The following NRSN1 variants were observed in gnomAD, a reference collection of about 807,000 sequenced individuals.
The protein encoded by NRSN1 is neurensin 1.
NRSN1 carries 14 observed loss-of-function variants against 17.3 expected under a neutral mutation model. The observed-to-expected ratio is 0.81, with a 90% confidence interval of 0.54 to 1.27. The LOEUF (loss-of-function observed/expected upper bound fraction) is 1.27, where lower values mean the gene tolerates loss of function less well. Among genes scored for constraint, NRSN1 ranks in the 50% most tolerant of loss-of-function variants. The pLI, the probability that NRSN1 is intolerant of heterozygous loss-of-function variation, is 0.00. For missense variants in NRSN1, 209 were observed against 235.9 expected (o/e 0.89, Z 0.75); for synonymous variants, 79 against 94.2 (o/e 0.84, Z 0.93).
At chr6:24,140,110 G>T (rs956608523) in intron 3 of NRSN1, among the ~76,000 whole-genome samples, 2 of 152,208 alleles carry the variant, frequency 1.3e-5, no homozygotes, top group African/African-American at 2.4e-5. Flanking sequence ...GAATATTTAA[G>T]TGAGCCTAAA....
chr6:24,128,970 T>C (rs1759991075), intron 2 of NRSN1: 1 of 152,232 alleles, frequency 6.6e-6, no homozygotes, highest in Non-Finnish European at 1.5e-5. Context: ...TAGAGTTTCA[T>C]GAGGCATAAA....
Position 24,145,607 on chromosome 6 carries a change from C to T in NRSN1, c.249C>T (p.Gly83=), listed in dbSNP as rs140489181. ...VILGLTVLAV[G]FLVPPKIEAF... is the part of the protein sequence containing the mutation. ...TCGGATTGACTGTTCTGGCAGTGGG[C>T]TTTCTTGTGCCCCCCAAAATCGAAG... is the stretch of plus-strand genomic sequence containing the variant. Residue 83 remains glycine, a synonymous_variant, in exon 4 of 4, where the codon GGC becomes GGT. Transcript: ENST00000378491. The surrounding 1 kb of genome is among the most constrained non-coding windows in gnomAD (Gnocchi z 4.4). The T allele has an allele frequency of 7.4e-6, 12 of 1,612,716 alleles. No individual in the cohort carries two copies. The highest frequency in any genetic ancestry group is 4.0e-5 in the African/African-American group (3 of 74,900).
chr6:24,128,852 G>A (rs1276523675), intron 2 of NRSN1: 1 of 152,162 alleles, frequency 6.6e-6, no homozygotes, highest in Non-Finnish European at 1.5e-5. Flanking sequence ...CCTGTGCCTG[G>A]CCTCACAACT....
At chr6:24,139,522 T>C (rs537602253) in intron 3 of NRSN1, among the ~76,000 whole-genome samples, 3 of 152,262 alleles carry the variant, frequency 2.0e-5, no homozygotes, top group Admixed American at 6.5e-5. Context: ...AGAACGCAAA[T>C]AGAGAAAATG....
Position 24,145,300 on chromosome 6 carries a change from AAT to A in NRSN1, c.190-237_190-236del, listed in dbSNP as rs1279166256. Among the ~76,000 whole-genome samples, 1 of 147,436 alleles carries A rather than the reference AAT, an allele frequency of 6.8e-6. No homozygotes were observed. The highest frequency in any genetic ancestry group is 6.8e-5 in the Admixed American group (1 of 14,628). On this transcript the variant is annotated intron_variant, in intron 3 of 3. Coordinates refer to ENST00000378491, the MANE Select transcript of NRSN1 (RefSeq NM_080723.5). This position sits in a 1 kb window ranked among gnomAD's most constrained non-coding sequence, Gnocchi z 4.4. ...AATATATGTATATCTTTAGATATAT[AAT>A]ATATATATATGATATATACATATAT...
intron 3 of NRSN1, among the ~76,000 whole-genome samples, chr6:24,137,520 G>A (rs1478570687): frequency 1.3e-5 from 2 of 151,528 alleles, no homozygotes; most frequent in African/African-American, 4.9e-5. Context: ...ACAGATTGTT[G>A]TTGTTTTTTT....
At chr6:24,133,674 A>G (rs1044936188) in intron 2 of NRSN1, among the ~76,000 whole-genome samples, 3 of 152,194 alleles carry the variant, frequency 2.0e-5, no homozygotes, top group African/African-American at 2.4e-5. Flanking sequence ...CTTTGTTGCC[A>G]TTTCTTGTGT....
chr6:24,142,630 T>C (rs1760228196), intron 3 of NRSN1, among the ~76,000 whole-genome samples: 1 of 151,948 alleles, frequency 6.6e-6, no homozygotes, highest in South Asian at 2.1e-4. Flanking sequence ...TGGCTAATTT[T>C]GTATTTTTAG....
At chr6:24,133,165 C>T (rs187925661) in intron 2 of NRSN1, among the ~76,000 whole-genome samples, 38 of 152,174 alleles carry the variant, frequency 2.5e-4, no homozygotes, top group African/African-American at 8.4e-4. Flanking sequence ...AACAACCTGC[C>T]TAGGACATAG....
intron 2 of NRSN1, 131 bp from the exon 3 acceptor site, chr6:24,134,188 C>G: frequency 2.7e-6 from 2 of 751,130 alleles, no homozygotes; most frequent in Non-Finnish European, 2.1e-6. Flanking sequence ...TTTAAAAGTA[C>G]CTTTTCTGTA....
intron 3 of NRSN1, among the ~76,000 whole-genome samples, 154 bp downstream of exon 3, chr6:24,134,670 A>G (rs1297920010): frequency 6.6e-6 from 1 of 152,238 alleles, no homozygotes; most frequent in African/African-American, 2.4e-5. Flanking sequence ...GGAAAGAAGA[A>G]TCTAAACCTT....
chr6:24,129,928 G>A (rs1210732048), intron 2 of NRSN1, among the ~76,000 whole-genome samples: 1 of 152,160 alleles, frequency 6.6e-6, no homozygotes, highest in African/African-American at 2.4e-5. Context: ...ATGCTGGCAG[G>A]GAGGATGCAA....
At chr6:24,128,247 A>G (rs148107939) in intron 2 of NRSN1, 47 bp downstream of exon 2, 5 of 152,288 alleles carry the variant, frequency 3.3e-5, no homozygotes, top group Admixed American at 1.3e-4. Context: ...CACCCTGTGT[A>G]TGCATGTAGA....
chr6:24,146,414 G>T lies in NRSN1; in HGVS notation c.*468G>T. On this transcript the variant is annotated 3_prime_UTR_variant, in exon 4 of 4. Transcript: ENST00000378491. ...TGTTCATAGAAACATGGAATTCTCTGATTTTGAGCCGAACATGAGTTTTTA... is the reference window on the plus strand; with the variant it reads ...TGTTCATAGAAACATGGAATTCTCTTATTTTGAGCCGAACATGAGTTTTTA... 2.6e-6 allele frequency: 1 copy of T among 381,184 alleles called. No individual in the cohort carries two copies. The allele number at this position is 381,184 out of a possible 1,614,324, so 23.6% of individuals were successfully genotyped here. A position where few individuals can be genotyped will look rare whatever the true frequency, so the allele number is the denominator to read the frequency against.
At chr6:24,143,887 C>T (rs1458680294) in intron 3 of NRSN1, among the ~76,000 whole-genome samples, 1 of 152,160 alleles carries the variant, frequency 6.6e-6, no homozygotes, top group Non-Finnish European at 1.5e-5. Context: ...GAGCATTTGT[C>T]ATTTTATAGA....
rs557128853 is a variant in NRSN1, at chr6:24,138,183, C to T, written c.189+3667C>T. Among the ~76,000 whole-genome samples the T allele has an allele frequency of 1.3e-4, 20 of 152,260 alleles. No individual in the cohort carries two copies. In the South Asian group the frequency reaches 2.9e-3, roughly 22 times the overall value. Reference sequence around the variant, plus strand: ...AATCAGGTATAAACACACACACACGCACAAACACACACATACACAGAGTGC... The same window carrying T: ...AATCAGGTATAAACACACACACACGTACAAACACACACATACACAGAGTGC... On this transcript the variant is annotated intron_variant, in intron 3 of 3. Transcript: ENST00000378491.
chr6:24,131,076 C>T (rs181023779), intron 2 of NRSN1, among the ~76,000 whole-genome samples: 3 of 152,234 alleles, frequency 2.0e-5, no homozygotes, highest in East Asian at 1.9e-4. Context: ...GAAAGTAAGG[C>T]GCTTTGGAAT....
intron 3 of NRSN1, chr6:24,141,225 TTC>T (rs1760198054): frequency 7.9e-7 from 1 of 1,270,384 alleles, no homozygotes; most frequent in East Asian, 3.1e-5. Context: ...GGAGTCCTCT[TTC>T]TGTTAGACCT....
At chr6:24,133,700 G>A (rs142724329) in intron 2 of NRSN1, among the ~76,000 whole-genome samples, 10 of 152,320 alleles carry the variant, frequency 6.6e-5, no homozygotes, top group Non-Finnish European at 1.5e-4. Context: ...ATGCTTAAAT[G>A]TGTACCTAAT....
Sources: allele counts gnomAD v4.1 joint callset (sites outside exome capture counted in the v4.1 genomes callset), GRCh38; gene constraint gnomAD v4.1.1; non-coding constraint Gnocchi (gnomAD v3.1); transcripts MANE v1.5; gene names NCBI Gene and HGNC (gene_info 2026-07-23, HGNC 2026-07-21).